Variants in ALDH3A2 observed in about 807,000 individuals in gnomAD.
The protein encoded by ALDH3A2 is aldehyde dehydrogenase 3 family member A2.
ALDH3A2 carries 36 observed loss-of-function variants against 51.3 expected under a neutral mutation model. That is an observed-to-expected ratio of 0.70 (90% CI 0.54 to 0.93). ALDH3A2 has a LOEUF of 0.93. Among genes scored for constraint, ALDH3A2 ranks in the 40% least tolerant of loss-of-function variants. The pLI, the probability that ALDH3A2 is intolerant of heterozygous loss-of-function variation, is 0.00. For synonymous variants in ALDH3A2, 199 were observed against 219.8 expected, an observed-to-expected ratio of 0.91 and a Z score of 0.84; for missense variants, 552 against 603.1, an observed-to-expected ratio of 0.92 and a Z score of 0.89.
At chr17:19,667,390 C>T (rs2085053182) in intron 8 of ALDH3A2, among the ~76,000 whole-genome samples, 1 of 151,922 alleles carries the variant, frequency 6.6e-6, no homozygotes, top group Non-Finnish European at 1.5e-5. Flanking sequence ...CTGATTATTT[C>T]TTTAGGAAAA....
chr17:19,655,057 T>C (rs115256372), intron 3 of ALDH3A2, among the ~76,000 whole-genome samples: 3,420 of 152,290 alleles, frequency 0.022, 68 homozygotes, highest in African/African-American at 0.051. Flanking sequence ...GGGTAGTTCA[T>C]CTGTCTGAGT....
intron 6 of ALDH3A2, among the ~76,000 whole-genome samples, chr17:19,662,655 C>T (rs191853180): frequency 7.9e-5 from 12 of 152,178 alleles, no homozygotes; most frequent in Middle Eastern, 3.4e-3. Flanking sequence ...GGAATTTTGA[C>T]CATTTAAGTC....
At chr17:19,651,108 C>T (rs1264500794) in intron 1 of ALDH3A2, among the ~76,000 whole-genome samples, 2 of 152,154 alleles carry the variant, frequency 1.3e-5, no homozygotes, top group Non-Finnish European at 2.9e-5. Context: ...AGAACATACA[C>T]AGATGAAATG....
chr17:19,672,841 G>C (rs1356093061), intron 9 of ALDH3A2, among the ~76,000 whole-genome samples: 2 of 152,114 alleles, frequency 1.3e-5, no homozygotes, highest in Non-Finnish European at 1.5e-5. Context: ...AGGAGTTCAA[G>C]ACCAGCCTGA....
intron 8 of ALDH3A2, among the ~76,000 whole-genome samples, chr17:19,668,778 C>G (rs532865911): frequency 3.0e-5 from 4 of 131,850 alleles, no homozygotes; most frequent in African/African-American, 1.1e-4. Context: ...GTAATCCCAG[C>G]TACTTAGGAG....
chr17:19,665,713 G>A (rs4244600), intron 8 of ALDH3A2, among the ~76,000 whole-genome samples: 42,253 of 152,050 alleles, frequency 0.28, 6,327 homozygotes, highest in East Asian at 0.52. Context: ...TGAGATGACT[G>A]ACTCAGCTTT....
At chr17:19,662,195 G>A (rs2084975113) in intron 6 of ALDH3A2, 1 of 152,136 alleles carries the variant, frequency 6.6e-6, no homozygotes, top group Admixed American at 6.5e-5. Context: ...TAAGAGGAAG[G>A]GGCTATCCTG....
chr17:19,668,133 TCCTTATTATTG>T (rs1458601363), intron 8 of ALDH3A2, among the ~76,000 whole-genome samples: 1 of 152,230 alleles, frequency 6.6e-6, no homozygotes, highest in Non-Finnish European at 1.5e-5. Flanking sequence ...GTTCACATCT[TCCTTATTATTG>T]GTATATAAAT....
At chr17:19,666,807 A>G (rs2085044003) in intron 8 of ALDH3A2, among the ~76,000 whole-genome samples, 1 of 150,262 alleles carries the variant, frequency 6.7e-6, no homozygotes, top group African/African-American at 2.4e-5. Context: ...ATAAATAAAT[A>G]AATAAATAAA....
chr17:19,649,472 G>T (rs1567595827), intron 1 of ALDH3A2: 1 of 198,352 alleles, frequency 5.0e-6, no homozygotes, highest in Non-Finnish European at 9.5e-6. Flanking sequence ...TACTTTCTTT[G>T]GGTTTCTTTC....
chr17:19,667,920 C>G (rs1185443631), intron 8 of ALDH3A2, among the ~76,000 whole-genome samples: 1 of 152,188 alleles, frequency 6.6e-6, no homozygotes, highest in Non-Finnish European at 1.5e-5. Context: ...AGTGTCTTTG[C>G]AGATTTCTGC....
rs1432417876 is a variant in ALDH3A2, at chr17:19,671,784, C to T, written c.1271C>T (p.Pro424Leu). Residue 424 changes from proline (P) to leucine (L), a missense_variant, in exon 9 of 10, where the codon CCC (proline) becomes CTC (leucine). Coordinates refer to ENST00000176643, the MANE Select transcript of ALDH3A2 (RefSeq NM_000382.3). Reference sequence around the variant, plus strand: ...TTTGATACTTTTTCTCATCAGCGTCCCTGTTTATTAAAAAGTTTAAAGAGA... The same window carrying T: ...TTTGATACTTTTTCTCATCAGCGTCTCTGTTTATTAAAAAGTTTAAAGAGA... Reference protein sequence around the residue: ...HSFDTFSHQRPCLLKSLKREG... With the variant: ...HSFDTFSHQRLCLLKSLKREG... 3 of 1,614,010 alleles carry T rather than the reference C, an allele frequency of 1.9e-6. No homozygotes were observed. Among genetic ancestry groups the T allele is most frequent in the Non-Finnish European group, 2.5e-6 (3 of 1,180,032 alleles).
At chr17:19,666,472 C>A (rs899176581) in intron 8 of ALDH3A2, among the ~76,000 whole-genome samples, 1 of 152,050 alleles carries the variant, frequency 6.6e-6, no homozygotes, top group Non-Finnish European at 1.5e-5. Context: ...ATTGACTATA[C>A]CATCTTATTT....
intron 1 of ALDH3A2, among the ~76,000 whole-genome samples, chr17:19,650,781 A>C (rs1294197103): frequency 6.6e-6 from 1 of 152,074 alleles, no homozygotes; most frequent in Non-Finnish European, 1.5e-5. Flanking sequence ...TTTTATCTGC[A>C]TTACATGTGT....
In ALDH3A2 at chr17:19,671,944, T is replaced by C. The variant is rs1320588121; in HGVS notation, c.1431T>C (p.Ala477=). The change falls in exon 9 of 10, where the codon GCT becomes GCC. Residue 477 remains alanine (A), a synonymous_variant. Coordinates refer to ENST00000176643, the MANE Select transcript of ALDH3A2 (RefSeq NM_000382.3). ...LLLTFLGIVA[A]VLVKAEYY ...TCACTTTCCTGGGTATTGTAGCCGC[T>C]GTGCTTGTCAAGGTGAGTCCCTATA... 3 of 1,614,146 alleles carry C rather than the reference T, an allele frequency of 1.9e-6. No individual in the cohort carries two copies. The highest frequency in any genetic ancestry group is 2.2e-5 in the South Asian group (2 of 91,084).
chr17:19,660,335 C>A (rs61631401), intron 5 of ALDH3A2, among the ~76,000 whole-genome samples: 1 of 151,780 alleles, frequency 6.6e-6, no homozygotes, highest in Non-Finnish European at 1.5e-5. Flanking sequence ...AGTCAGAGCC[C>A]AGGCACATGC....
intron 3 of ALDH3A2, among the ~76,000 whole-genome samples, chr17:19,655,949 C>T (rs571649890): frequency 2.6e-5 from 4 of 152,354 alleles, no homozygotes; most frequent in East Asian, 1.9e-4. Flanking sequence ...TTCAGAATAG[C>T]GTGGGCTAAG....
intron 9 of ALDH3A2, among the ~76,000 whole-genome samples, chr17:19,673,734 A>G (rs1035571478): frequency 1.3e-5 from 2 of 152,218 alleles, no homozygotes; most frequent in Admixed American, 1.3e-4. Context: ...AAAAGAAAGA[A>G]AAAAGAATGT....
At chr17:19,673,588 C>T (rs1416380020) in intron 9 of ALDH3A2, among the ~76,000 whole-genome samples, 1 of 151,732 alleles carries the variant, frequency 6.6e-6, no homozygotes, top group East Asian at 1.9e-4. Context: ...TGTGGTGGTA[C>T]GTGACTGTAG....
Sources: gnomAD v4.1 joint callset for allele counts (sites outside exome capture counted in the v4.1 genomes callset) on GRCh38, gnomAD v4.1.1 for gene constraint, MANE v1.5 for transcripts, NCBI Gene and HGNC (gene_info 2026-07-23, HGNC 2026-07-21) for gene names.